MCC: variants seen among roughly 807,000 people sequenced by gnomAD.
MCC encodes colorectal mutant cancer protein.
Under a neutral mutation model 116.2 loss-of-function variants are expected in MCC, and 90 were observed. That is an observed-to-expected ratio of 0.77 (90% CI 0.65 to 0.92). MCC has a LOEUF of 0.92. MCC is among the 40% of genes least tolerant of loss of function. MCC has a pLI of 0.00. For synonymous variants in MCC, 578 were observed against 510.5 expected, an observed-to-expected ratio of 1.13 and a Z score of -1.78; for missense variants, 1,516 against 1,312.2, an observed-to-expected ratio of 1.16 and a Z score of -2.40.
At chr5:113,418,255 A>G (rs761128538) in intron 1 of MCC, among the ~76,000 whole-genome samples, 1 of 151,992 alleles carries the variant, frequency 6.6e-6, no homozygotes, top group Non-Finnish European at 1.5e-5. Flanking sequence ...CCTAAAACTT[A>G]AAAGTATAAT....
chr5:113,412,834 AAC>A (rs1453645224), intron 1 of MCC, among the ~76,000 whole-genome samples: 1 of 152,206 alleles, frequency 6.6e-6, no homozygotes, highest in East Asian at 1.9e-4. Flanking sequence ...GAGAGAGGAC[AAC>A]ACAGTGTTGT....
intron 3 of MCC, among the ~76,000 whole-genome samples, chr5:113,189,626 A>C (rs185948432): frequency 6.6e-6 from 1 of 152,288 alleles, no homozygotes; most frequent in African/African-American, 2.4e-5. Flanking sequence ...ATACAGAATA[A>C]ATAAAAGTGA....
chr5:113,143,409 C>T (rs756835895), intron 4 of MCC, 49 bp from the exon 5 acceptor site: 3 of 1,591,482 alleles, frequency 1.9e-6, no homozygotes, highest in Non-Finnish European at 2.6e-6. Flanking sequence ...CATGCACCTA[C>T]AGGTGGATGA....
At chr5:113,188,725 T>G (rs1762017778) in intron 3 of MCC, among the ~76,000 whole-genome samples, 1 of 152,204 alleles carries the variant, frequency 6.6e-6, no homozygotes, top group South Asian at 2.1e-4. Flanking sequence ...ATGCTGTTGA[T>G]TCTTCTCATC....
intron 3 of MCC, among the ~76,000 whole-genome samples, chr5:113,318,943 C>T (rs10036581): frequency 0.58 from 87,896 of 152,088 alleles, 28,075 homozygotes; most frequent in African/African-American, 0.86. Context: ...CTCAGCTTAC[C>T]GCAACCTCCA....
chr5:113,245,442 C>T (rs11743767), intron 3 of MCC, among the ~76,000 whole-genome samples: 4,962 of 150,920 alleles, frequency 0.033, 110 homozygotes, highest in Middle Eastern at 0.042. Flanking sequence ...AATATCTCCA[C>T]AAGCCATAAA....
At chr5:113,303,272 A>T (rs570686952) in intron 3 of MCC, among the ~76,000 whole-genome samples, 3 of 152,194 alleles carry the variant, frequency 2.0e-5, no homozygotes, top group Non-Finnish European at 2.9e-5. Flanking sequence ...ATGAGAACAT[A>T]TGAGGTCACC....
chr5:113,038,486 C>T (rs566022875), intron 17 of MCC, among the ~76,000 whole-genome samples: 4 of 152,058 alleles, frequency 2.6e-5, no homozygotes, highest in East Asian at 1.9e-4. Context: ...ATTCATGGCG[C>T]TAGGAACCAA....
chr5:113,273,923 C>A (rs1416774254), intron 3 of MCC, among the ~76,000 whole-genome samples: 1 of 152,172 alleles, frequency 6.6e-6, no homozygotes, highest in African/African-American at 2.4e-5. Flanking sequence ...CTATGTTACA[C>A]CCCTAATTGC....
chr5:113,117,553 T>C (rs1581098174), intron 6 of MCC, among the ~76,000 whole-genome samples: 2 of 152,144 alleles, frequency 1.3e-5, no homozygotes, highest in African/African-American at 4.8e-5. Flanking sequence ...TCCAGAAAAA[T>C]AAAAATTTCT....
At chr5:113,029,604 T>C (rs1234467580) in intron 17 of MCC, among the ~76,000 whole-genome samples, 1 of 152,202 alleles carries the variant, frequency 6.6e-6, no homozygotes, top group African/African-American at 2.4e-5. Context: ...AAATTACATT[T>C]GCACTTTTGA....
chr5:113,324,256 A>C (rs1767493297), intron 3 of MCC, among the ~76,000 whole-genome samples: 1 of 152,224 alleles, frequency 6.6e-6, no homozygotes, highest in East Asian at 1.9e-4. Context: ...GAACAACATC[A>C]AAATGTTGAT....
intron 5 of MCC, among the ~76,000 whole-genome samples, chr5:113,132,937 A>T (rs963056046): frequency 4.0e-4 from 61 of 152,300 alleles, no homozygotes; most frequent in African/African-American, 1.4e-3. Context: ...GTATTCTCTG[A>T]TGGAGAACTC....
rs527959784 is a variant in MCC, at chr5:113,111,422, G to A, written c.1028-7067C>T. 3.9e-5 allele frequency among the ~76,000 whole-genome samples: 6 copies of A among 152,250 alleles called. 1 individual carries two copies. The highest frequency in any genetic ancestry group is 1.2e-4 in the African/African-American group (5 of 41,524). On this transcript the variant is annotated intron_variant, in intron 6 of 18. Transcript: ENST00000408903. ...GAGACAATGAATGTGTGTGCCCTGC[G>A]ATGGGATGGCACCTGGCCGGGGTGG...
At chr5:113,419,768 G>A (rs902089102) in intron 1 of MCC, among the ~76,000 whole-genome samples, 1 of 149,610 alleles carries the variant, frequency 6.7e-6, no homozygotes, top group African/African-American at 2.5e-5. Flanking sequence ...AACTATCTCA[G>A]GGACAAAAAA....
intron 2 of MCC, among the ~76,000 whole-genome samples, chr5:113,362,753 T>C (rs1041373909): frequency 2.6e-5 from 4 of 152,156 alleles, no homozygotes; most frequent in African/African-American, 9.6e-5. Flanking sequence ...TTTTGTGGTA[T>C]AGTAAAATAT....
chr5:113,454,403 C>A (rs776080521), intron 1 of MCC, among the ~76,000 whole-genome samples: 1 of 152,094 alleles, frequency 6.6e-6, no homozygotes, highest in Non-Finnish European at 1.5e-5. Context: ...TGGTGCCTGG[C>A]CTGTGTTTTT....
intron 1 of MCC, chr5:113,435,546 C>T (rs1035812149): frequency 5.3e-5 from 8 of 152,278 alleles, no homozygotes; most frequent in African/African-American, 1.9e-4. Context: ...CCCCTTCAGC[C>T]CTTGATGCTG....
At chr5:113,197,178 G>A (rs1338818233) in intron 3 of MCC, among the ~76,000 whole-genome samples, 16 of 152,158 alleles carry the variant, frequency 1.1e-4, no homozygotes. Flanking sequence ...AATACGTTCT[G>A]GGTCGATGGG....
Sources: allele counts gnomAD v4.1 joint callset (sites outside exome capture counted in the v4.1 genomes callset), GRCh38; gene constraint gnomAD v4.1.1; transcripts MANE v1.5; gene names NCBI Gene and HGNC (gene_info 2026-07-23, HGNC 2026-07-21).